Variants in NLK observed in about 807,000 individuals in gnomAD.
NLK encodes serine/threonine-protein kinase NLK.
A neutral mutation model predicts 59.0 loss-of-function variants in NLK; 11 were observed. The ratio of observed to expected loss-of-function variants is 0.19; its 90% CI spans 0.12 to 0.31. The LOEUF (loss-of-function observed/expected upper bound fraction) is 0.31. Among genes scored for constraint, NLK ranks in the 10% least tolerant of loss-of-function variants. The pLI is 1.00. For missense variants in NLK, 410 were observed against 661.1 expected, an observed-to-expected ratio of 0.62 and a Z score of 4.16; for synonymous variants, 235 against 235.9, an observed-to-expected ratio of 1.00 and a Z score of 0.03.
At chr17:28,194,174 T>C (rs1021511470) in intron 10 of NLK, among the ~76,000 whole-genome samples, 5 of 152,240 alleles carry the variant, frequency 3.3e-5, no homozygotes, top group African/African-American at 9.7e-5. Context: ...CCTGATTGAT[T>C]ATTGAAATTA....
Position 28,043,092 on chromosome 17 carries a change from G to T in NLK, c.219G>T (p.Ala73=). The change falls in exon 1 of 11, where the codon GCG becomes GCT. Residue 73 remains alanine (A), a synonymous_variant. Coordinates refer to ENST00000407008, the MANE Select transcript of NLK (RefSeq NM_016231.5). ...PVQQHTSSAA[A]AAAAAAAAAA... Reference sequence around the variant, plus strand: ...AGCAGCACACCTCTTCGGCAGCTGCGGCAGCCGCAGCAGCGGCTGCAGCTG... The same window carrying T: ...AGCAGCACACCTCTTCGGCAGCTGCTGCAGCCGCAGCAGCGGCTGCAGCTG... The T allele has an allele frequency of 2.5e-6, 4 of 1,579,220 alleles. No individual in the cohort carries two copies. The highest frequency in any genetic ancestry group is 3.4e-6 in the Non-Finnish European group (4 of 1,162,494).
At chr17:28,140,958 A>T (rs925433689) in intron 3 of NLK, among the ~76,000 whole-genome samples, 1 of 152,188 alleles carries the variant, frequency 6.6e-6, no homozygotes, top group Non-Finnish European at 1.5e-5. Context: ...TCATTTTTCC[A>T]CAAAATTTTA....
At chr17:28,107,456 T>C (rs1303647661) in intron 1 of NLK, among the ~76,000 whole-genome samples, 1 of 150,316 alleles carries the variant, frequency 6.7e-6, no homozygotes, top group East Asian at 1.9e-4. Context: ...AGAAAAGAAA[T>C]AAATACTAAA....
intron 5 of NLK, among the ~76,000 whole-genome samples, chr17:28,166,271 G>A (rs1046024461): frequency 3.3e-5 from 5 of 152,032 alleles, no homozygotes; most frequent in African/African-American, 9.7e-5. Context: ...GGCTTTTGTT[G>A]TTATGTTATA....
downstream of NLK, among the ~76,000 whole-genome samples, chr17:28,197,645 T>A (rs960867949): frequency 6.6e-6 from 1 of 152,156 alleles, no homozygotes; most frequent in Non-Finnish European, 1.5e-5. Flanking sequence ...AGGGCTATAA[T>A]CACCTACAAT....
intron 1 of NLK, among the ~76,000 whole-genome samples, chr17:28,089,770 G>A (rs1254939074): frequency 6.6e-6 from 1 of 152,112 alleles, no homozygotes; most frequent in Non-Finnish European, 1.5e-5. Flanking sequence ...TAATGTGTGT[G>A]TAGTGTTACT....
intron 1 of NLK, among the ~76,000 whole-genome samples, chr17:28,076,819 T>TG (rs1910173583): frequency 6.6e-6 from 1 of 152,142 alleles, no homozygotes; most frequent in South Asian, 2.1e-4. Flanking sequence ...TCTGTCCTAA[T>TG]CTAACCAAAT....
At chr17:28,164,828 CA>C (rs1908157251) in intron 5 of NLK, among the ~76,000 whole-genome samples, 1 of 151,852 alleles carries the variant, frequency 6.6e-6, no homozygotes, top group African/African-American at 2.4e-5. Context: ...GTAATAAAAC[CA>C]AGTGTATAAA....
chr17:28,074,791 A>G (rs1910115350), intron 1 of NLK, among the ~76,000 whole-genome samples: 1 of 152,138 alleles, frequency 6.6e-6, no homozygotes. Context: ...GTAGAGAGCA[A>G]AAACAGGTGA....
At chr17:28,172,681 A>G in intron 7 of NLK, 63 bp downstream of exon 7, 1 of 895,448 alleles carries the variant, frequency 1.1e-6, no homozygotes, top group Non-Finnish European at 1.6e-6. Context: ...CCCTTCCAAT[A>G]GAGTAATCTA....
intron 1 of NLK, among the ~76,000 whole-genome samples, chr17:28,117,570 A>T (rs1905835519): frequency 6.6e-6 from 1 of 152,214 alleles, no homozygotes; most frequent in South Asian, 2.1e-4. Flanking sequence ...CTTTCAGTCA[A>T]ATATAGATAT....
At chr17:28,162,826 G>A (rs978815940) in intron 4 of NLK, among the ~76,000 whole-genome samples, 1 of 152,086 alleles carries the variant, frequency 6.6e-6, no homozygotes, top group Non-Finnish European at 1.5e-5. Context: ...GGCTGAGATG[G>A]GAGCATGGCT....
chr17:28,051,882 T>C (rs1243176045), intron 1 of NLK, among the ~76,000 whole-genome samples: 1 of 152,142 alleles, frequency 6.6e-6, no homozygotes, highest in Non-Finnish European at 1.5e-5. Context: ...AAGACAACTT[T>C]CTCTCTTCAG....
intron 1 of NLK, among the ~76,000 whole-genome samples, chr17:28,075,162 G>A (rs1159890345): frequency 6.6e-6 from 1 of 152,136 alleles, no homozygotes; most frequent in Non-Finnish European, 1.5e-5. Context: ...ATGTGATCTG[G>A]CAGACAAATC....
At chr17:28,104,641 C>A (rs986351725) in intron 1 of NLK, among the ~76,000 whole-genome samples, 2 of 152,016 alleles carry the variant, frequency 1.3e-5, no homozygotes, top group Non-Finnish European at 2.9e-5. Context: ...GCCCATATCA[C>A]TTTGATGGTT....
the NLK span, among the ~76,000 whole-genome samples, chr17:28,202,056 G>A: frequency 1.3e-5 from 2 of 151,944 alleles, no homozygotes; most frequent in Non-Finnish European, 2.9e-5. Context: ...GATTGATAGA[G>A]AAAAACTATG....
At chr17:28,100,320 C>A (rs962332863) in intron 1 of NLK, among the ~76,000 whole-genome samples, 1 of 152,156 alleles carries the variant, frequency 6.6e-6, no homozygotes, top group Non-Finnish European at 1.5e-5. Flanking sequence ...TCTCCAAATC[C>A]TCATGACCAC....
At chr17:28,083,721 A>T (rs993366705) in intron 1 of NLK, among the ~76,000 whole-genome samples, 1 of 152,224 alleles carries the variant, frequency 6.6e-6, no homozygotes. Flanking sequence ...CATTTTGAAC[A>T]TAAGTCTTGT....
At chr17:28,164,735 GA>G (rs2142050811) in intron 5 of NLK, among the ~76,000 whole-genome samples, 1 of 152,176 alleles carries the variant, frequency 6.6e-6, no homozygotes, top group East Asian at 1.9e-4. Flanking sequence ...TATTTGAAAA[GA>G]AAAATAAATT....
Sources: allele counts gnomAD v4.1 joint callset (sites outside exome capture counted in the v4.1 genomes callset), GRCh38; gene constraint gnomAD v4.1.1; transcripts MANE v1.5; gene names NCBI Gene and HGNC (gene_info 2026-07-23, HGNC 2026-07-21).